The following ABTB3 variants were observed in gnomAD, a reference collection of about 807,000 sequenced individuals.
The protein encoded by ABTB3 is ankyrin repeat and BTB domain containing 3.
the ABTB3 span, chr12:107,318,792 G>A: frequency 0.2 from 176,115 of 896,652 alleles, 18,067 homozygotes; most frequent in East Asian, 0.24. Context: ...GGAGGCAGCC[G>A]AAAGTACTAA....
chr12:107,519,447 C>T, the ABTB3 span, among the ~76,000 whole-genome samples: 1 of 151,934 alleles, frequency 6.6e-6, no homozygotes, highest in African/African-American at 2.4e-5. Context: ...CTCAGCCTCC[C>T]CAGTAGCTGG....
chr12:107,534,542 C>A, the ABTB3 span, among the ~76,000 whole-genome samples: 83 of 152,088 alleles, frequency 5.5e-4, no homozygotes, highest in Admixed American at 1.6e-3. Flanking sequence ...ATTGACAAAC[C>A]TTTAGCTAGA....
At chr12:107,573,473 GAT>G in the ABTB3 span, among the ~76,000 whole-genome samples, 32 of 150,956 alleles carry the variant, frequency 2.1e-4, no homozygotes, top group Non-Finnish European at 3.4e-4. Context: ...TCGATGGATG[GAT>G]GGATGGATGG....
chr12:107,377,049 C>T, the ABTB3 span, among the ~76,000 whole-genome samples: 1 of 152,162 alleles, frequency 6.6e-6, no homozygotes, highest in African/African-American at 2.4e-5. Context: ...CCCTTCAGGA[C>T]TGAAGGGCCT....
chr12:107,467,901 A>G, the ABTB3 span, among the ~76,000 whole-genome samples: 1 of 152,144 alleles, frequency 6.6e-6, no homozygotes, highest in Admixed American at 6.6e-5. Flanking sequence ...AGGGCTCAAG[A>G]TGTGGCCACC....
chr12:107,329,650 C>T, the ABTB3 span, among the ~76,000 whole-genome samples: 1 of 152,228 alleles, frequency 6.6e-6, no homozygotes, highest in Admixed American at 6.5e-5. Context: ...AGGCAAGTTA[C>T]CTAACCTCTC....
the ABTB3 span, among the ~76,000 whole-genome samples, chr12:107,633,899 T>C: frequency 6.6e-6 from 1 of 152,214 alleles, no homozygotes; most frequent in Non-Finnish European, 1.5e-5. Context: ...GCATTTACAT[T>C]TCTAATAAGC....
At chr12:107,368,479 T>C in the ABTB3 span, among the ~76,000 whole-genome samples, 3 of 152,238 alleles carry the variant, frequency 2.0e-5, no homozygotes, top group Admixed American at 6.5e-5. Context: ...ATTTTGTGTC[T>C]ATCCATTCTT....
the ABTB3 span, among the ~76,000 whole-genome samples, chr12:107,417,002 T>C: frequency 6.6e-6 from 1 of 152,206 alleles, no homozygotes; most frequent in Non-Finnish European, 1.5e-5. Context: ...GGATCCCTAG[T>C]GATGAATAAA....
chr12:107,386,298 G>C, the ABTB3 span, among the ~76,000 whole-genome samples: 1 of 152,184 alleles, frequency 6.6e-6, no homozygotes, highest in Non-Finnish European at 1.5e-5. Context: ...TCATGAATCA[G>C]TTGTCAGTTG....
chr12:107,636,166 C>G, the ABTB3 span, among the ~76,000 whole-genome samples: 3 of 152,262 alleles, frequency 2.0e-5, no homozygotes, highest in Non-Finnish European at 2.9e-5. Flanking sequence ...TTTTGTCGTT[C>G]TGCAGTCCCA....
the ABTB3 span, among the ~76,000 whole-genome samples, chr12:107,472,782 A>G: frequency 6.6e-6 from 1 of 152,214 alleles, no homozygotes; most frequent in Non-Finnish European, 1.5e-5. Context: ...GGAGGAGCTC[A>G]CAGGCTAGTG....
chr12:107,467,841 G>A, the ABTB3 span, among the ~76,000 whole-genome samples: 1 of 152,070 alleles, frequency 6.6e-6, no homozygotes, highest in Non-Finnish European at 1.5e-5. Flanking sequence ...TTTCCCACAC[G>A]TTTTCTCTGA....
the ABTB3 span, among the ~76,000 whole-genome samples, chr12:107,619,776 A>G: frequency 6.6e-6 from 1 of 152,108 alleles, no homozygotes; most frequent in Non-Finnish European, 1.5e-5. Context: ...TTGAATTATG[A>G]CCTTTAATTT....
chr12:107,503,354 C>T, the ABTB3 span, among the ~76,000 whole-genome samples: 1 of 152,178 alleles, frequency 6.6e-6, no homozygotes, highest in African/African-American at 2.4e-5. Context: ...AGTGTGCTTG[C>T]TGGCAGGTTG....
the ABTB3 span, among the ~76,000 whole-genome samples, chr12:107,424,021 A>G: frequency 2.0e-5 from 3 of 152,338 alleles, no homozygotes; most frequent in Non-Finnish European, 2.9e-5. Context: ...GTTAACTTGC[A>G]TCTTCCTACC....
the ABTB3 span, among the ~76,000 whole-genome samples, chr12:107,390,719 A>G: frequency 6.6e-6 from 1 of 152,244 alleles, no homozygotes; most frequent in Non-Finnish European, 1.5e-5. Context: ...GCTGTTCCTC[A>G]GAGAAAGTGG....
the ABTB3 span, among the ~76,000 whole-genome samples, chr12:107,644,993 G>T: frequency 1.6e-3 from 137 of 83,702 alleles, 1 homozygote; most frequent in African/African-American, 7.3e-3. Context: ...TTTTTTTTGA[G>T]AAGAGTTTTG....
chr12:107,341,379 C>T, the ABTB3 span, among the ~76,000 whole-genome samples: 2 of 152,096 alleles, frequency 1.3e-5, no homozygotes, highest in East Asian at 3.9e-4. Context: ...GCCACTGCCC[C>T]AACCCCGTGA....
Sources: gnomAD v4.1 joint callset for allele counts (sites outside exome capture counted in the v4.1 genomes callset) on GRCh38, gnomAD v4.1.1 for gene constraint, MANE v1.5 for transcripts, NCBI Gene and HGNC (gene_info 2026-07-23, HGNC 2026-07-21) for gene names.